TLL1: variants seen among roughly 807,000 people sequenced by gnomAD.
TLL1 encodes the protein tolloid like 1, also known as tolloid-like protein 1.
TLL1 carries 49 observed loss-of-function variants against 128.2 expected under a neutral mutation model. That is an observed-to-expected ratio of 0.38 (90% CI 0.30 to 0.48). TLL1 has a LOEUF of 0.48. Among genes scored for constraint, TLL1 ranks in the 20% least tolerant of loss-of-function variants. The pLI is 0.96. For synonymous variants in TLL1, 454 were observed against 418.8 expected (o/e 1.08, Z -1.03); for missense variants, 1,123 against 1,242.0 (o/e 0.90, Z 1.44).
In TLL1 at chr4:165,975,500, A is replaced by G. The variant is rs191744620; in HGVS notation, c.170-13881A>G. 1.4e-3 allele frequency among the ~76,000 whole-genome samples: 213 copies of G among 152,360 alleles called. 2 individuals carry two copies. The highest frequency in any genetic ancestry group is 1.0e-3 in the Non-Finnish European group (70 of 68,046). ...AGGAAAAAATAATTCTAACTTATAC[A>G]AATTGTCTGAATGACTAAAAAAGAA... On this transcript the variant is annotated intron_variant, in intron 1 of 20. Coordinates refer to ENST00000061240, the MANE Select transcript of TLL1 (RefSeq NM_012464.5).
chr4:166,005,775 G>C (rs958925149), intron 6 of TLL1, among the ~76,000 whole-genome samples: 1 of 151,730 alleles, frequency 6.6e-6, no homozygotes, highest in Non-Finnish European at 1.5e-5. Flanking sequence ...ATTTATAAAA[G>C]ATGTAACTTT....
intron 1 of TLL1, among the ~76,000 whole-genome samples, chr4:165,964,851 T>C (rs1735291963): frequency 6.6e-6 from 1 of 152,052 alleles, no homozygotes; most frequent in African/African-American, 2.4e-5. Flanking sequence ...GTGGGAGGAT[T>C]GCTTAAGCCC....
At chr4:165,991,836 T>A (rs970215788) in intron 2 of TLL1, among the ~76,000 whole-genome samples, 5 of 152,022 alleles carry the variant, frequency 3.3e-5, no homozygotes, top group Non-Finnish European at 7.4e-5. Flanking sequence ...AGATACTCCA[T>A]GTTACTACAA....
intron 19 of TLL1, among the ~76,000 whole-genome samples, chr4:166,092,779 C>G (rs2111159922): frequency 6.6e-6 from 1 of 151,886 alleles, no homozygotes; most frequent in East Asian, 1.9e-4. Flanking sequence ...TCTTTTTACC[C>G]CTTGTAAGTG....
chr4:165,880,483 T>G (rs1730925266), intron 1 of TLL1, among the ~76,000 whole-genome samples: 1 of 152,228 alleles, frequency 6.6e-6, no homozygotes, highest in Admixed American at 6.5e-5. Context: ...ATAGTAATTT[T>G]AAAAAGTTGA....
chr4:166,025,939 G>T (rs1738473338), intron 9 of TLL1, among the ~76,000 whole-genome samples: 1 of 151,992 alleles, frequency 6.6e-6, no homozygotes, highest in Non-Finnish European at 1.5e-5. Context: ...AATGAGCCTA[G>T]ACGACCATAT....
chr4:166,096,405 G>T (rs576341306), intron 19 of TLL1, among the ~76,000 whole-genome samples: 3 of 151,992 alleles, frequency 2.0e-5, no homozygotes, highest in South Asian at 2.1e-4. Context: ...TTAAATGTAG[G>T]CCATTTTTCT....
chr4:166,078,313 T>C (rs969194082), intron 18 of TLL1, among the ~76,000 whole-genome samples: 5 of 152,186 alleles, frequency 3.3e-5, no homozygotes, highest in African/African-American at 1.2e-4. Flanking sequence ...GTATTACTGG[T>C]AATTATATTT....
intron 1 of TLL1, among the ~76,000 whole-genome samples, chr4:165,928,225 G>T (rs958975646): frequency 2.6e-5 from 4 of 152,148 alleles, no homozygotes; most frequent in Non-Finnish European, 1.5e-5. Flanking sequence ...AACCGGACTT[G>T]AGCACCCATT....
intron 16 of TLL1, among the ~76,000 whole-genome samples, chr4:166,067,265 A>G (rs1297406362): frequency 2.0e-5 from 3 of 151,858 alleles, no homozygotes; most frequent in Non-Finnish European, 4.4e-5. Flanking sequence ...TTTTAAGAAA[A>G]GAAACATGCT....
At chr4:165,933,280 C>T (rs1216224465) in intron 1 of TLL1, among the ~76,000 whole-genome samples, 1 of 152,116 alleles carries the variant, frequency 6.6e-6, no homozygotes, top group African/African-American at 2.4e-5. Context: ...CAGTGTTGTC[C>T]TGTGACATCA....
chr4:166,019,770 T>G lies in TLL1; in HGVS notation c.1042+5210T>G, dbSNP rs1038798555. On this transcript the variant is annotated intron_variant, in intron 8 of 20. Transcript: ENST00000061240. Reference sequence around the variant, plus strand: ...GTGATGGCATTAAAATGTATACATTTTAATTTTCCTTAAAATCATACTATC... The same window carrying G: ...GTGATGGCATTAAAATGTATACATTGTAATTTTCCTTAAAATCATACTATC... Among the ~76,000 whole-genome samples the G allele has an allele frequency of 2.0e-5, 3 of 152,182 alleles. No homozygotes were observed. The South Asian group carries it at 6.2e-4, about 32-fold the overall frequency.
intron 9 of TLL1, among the ~76,000 whole-genome samples, chr4:166,033,490 T>G (rs968967199): frequency 3.3e-5 from 5 of 152,118 alleles, no homozygotes; most frequent in Non-Finnish European, 5.9e-5. Context: ...CTTTGTTCCT[T>G]TAAAAAATTA....
intron 1 of TLL1, among the ~76,000 whole-genome samples, chr4:165,882,250 A>G (rs7678239): frequency 0.53 from 80,360 of 151,908 alleles, 21,725 homozygotes; most frequent in East Asian, 0.77. Flanking sequence ...AATATATACC[A>G]TATGTAATAT....
chr4:165,878,384 T>A (rs1730815526), intron 1 of TLL1, among the ~76,000 whole-genome samples: 1 of 152,114 alleles, frequency 6.6e-6, no homozygotes, highest in African/African-American at 2.4e-5. Context: ...TTTCTCTTCT[T>A]GCCTTGGGTG....
chr4:165,989,926 T>G (rs1347927126), intron 2 of TLL1, among the ~76,000 whole-genome samples: 1 of 151,880 alleles, frequency 6.6e-6, no homozygotes, highest in African/African-American at 2.4e-5. Context: ...AGTATTATAT[T>G]AAGTTGCCTC....
intron 9 of TLL1, chr4:166,030,689 T>C (rs951082657): frequency 9.1e-7 from 1 of 1,093,146 alleles, no homozygotes; most frequent in Non-Finnish European, 1.2e-6. Flanking sequence ...AAACCATTCT[T>C]GTACATGTGG....
chr4:165,895,418 T>A (rs1228969465), intron 1 of TLL1, among the ~76,000 whole-genome samples: 1 of 151,996 alleles, frequency 6.6e-6, no homozygotes, highest in Non-Finnish European at 1.5e-5. Flanking sequence ...AAATATGTGA[T>A]TTTAAGGATA....
chr4:166,017,921 A>G (rs1738027531), intron 8 of TLL1, among the ~76,000 whole-genome samples: 1 of 152,210 alleles, frequency 6.6e-6, no homozygotes, highest in Non-Finnish European at 1.5e-5. Context: ...AATGACATTA[A>G]GCTACACTGA....
Sources: allele counts gnomAD v4.1 joint callset (sites outside exome capture counted in the v4.1 genomes callset), GRCh38; gene constraint gnomAD v4.1.1; transcripts MANE v1.5; gene names NCBI Gene and HGNC (gene_info 2026-07-23, HGNC 2026-07-21).